PDE4B: variants seen among roughly 807,000 people sequenced by gnomAD.
PDE4B encodes phosphodiesterase 4B.
PDE4B carries 20 observed loss-of-function variants against 82.2 expected under a neutral mutation model. The ratio of observed to expected loss-of-function variants is 0.24; its 90% CI spans 0.17 to 0.35. PDE4B has a LOEUF of 0.35. Among genes scored for constraint, PDE4B ranks in the 10% least tolerant of loss-of-function variants. The pLI is 1.00. For synonymous variants in PDE4B, 320 were observed against 318.9 expected, an observed-to-expected ratio of 1.00 and a Z score of -0.04; for missense variants, 655 against 907.2, an observed-to-expected ratio of 0.72 and a Z score of 3.57.
At chr1:66,279,140 T>A (rs1322335969) in intron 7 of PDE4B, among the ~76,000 whole-genome samples, 5 of 152,144 alleles carry the variant, frequency 3.3e-5, no homozygotes, top group Admixed American at 3.3e-4. Context: ...AATACTTCCC[T>A]CTGGAAAGCC....
chr1:66,081,648 C>A (rs1656734652), intron 3 of PDE4B, among the ~76,000 whole-genome samples: 1 of 151,970 alleles, frequency 6.6e-6, no homozygotes, highest in African/African-American at 2.4e-5. Context: ...ATCAGGAACC[C>A]TGGTAGCAAT....
intron 3 of PDE4B, among the ~76,000 whole-genome samples, chr1:66,202,557 A>G (rs1286346878): frequency 6.6e-6 from 1 of 152,074 alleles, no homozygotes; most frequent in Non-Finnish European, 1.5e-5. Flanking sequence ...TATATTTAGG[A>G]TAGTTAGCTC....
chr1:66,184,746 T>C (rs576337986), intron 3 of PDE4B, among the ~76,000 whole-genome samples: 1 of 152,268 alleles, frequency 6.6e-6, no homozygotes, highest in African/African-American at 2.4e-5. Flanking sequence ...TAGTTGTGAA[T>C]GGTTGTTTTT....
chr1:66,211,953 A>T (rs1206703459), intron 3 of PDE4B, among the ~76,000 whole-genome samples: 1 of 152,222 alleles, frequency 6.6e-6, no homozygotes, highest in Non-Finnish European at 1.5e-5. Flanking sequence ...TGCATTTCAC[A>T]AACAGAGATT....
chr1:66,006,214 A>C (rs961887858), intron 3 of PDE4B, among the ~76,000 whole-genome samples: 3 of 152,128 alleles, frequency 2.0e-5, no homozygotes, highest in African/African-American at 7.2e-5. Flanking sequence ...GCTTTGCTGC[A>C]TTTGTGTATG....
intron 3 of PDE4B, among the ~76,000 whole-genome samples, chr1:66,187,397 C>A (rs1647280666): frequency 6.6e-6 from 1 of 152,102 alleles, no homozygotes; most frequent in Non-Finnish European, 1.5e-5. Flanking sequence ...GGAATAGTTT[C>A]AGAAGGAATG....
intron 7 of PDE4B, among the ~76,000 whole-genome samples, chr1:66,290,775 A>T (rs550792551): frequency 2.0e-4 from 30 of 152,238 alleles, no homozygotes; most frequent in African/African-American, 6.3e-4. Context: ...TGCCTTGGGG[A>T]CTTGGCCACA....
Position 65,913,236 on chromosome 1 carries a change from C to T in PDE4B, c.-70-9C>T. 2 of 1,218,816 alleles carry T rather than the reference C, an allele frequency of 1.6e-6. No homozygotes were observed. The highest frequency in any genetic ancestry group is 1.2e-5 in the South Asian group (1 of 80,444). The allele number at this position is 1,218,816 out of a possible 1,614,324, so 75.5% of individuals were successfully genotyped here. On this transcript the variant is annotated splice_polypyrimidine_tract_variant and intron_variant, in intron 1 of 16. Coordinates refer to ENST00000341517, the MANE Select transcript of PDE4B (RefSeq NM_002600.4). ...GCTGTTCTTTTTTGTGTGTTTTTTT[C>T]TCCTGTAGGTATTAAAAAGTGTCAG...
chr1:66,078,641 A>G (rs1276853077), intron 3 of PDE4B, among the ~76,000 whole-genome samples: 2 of 151,982 alleles, frequency 1.3e-5, no homozygotes, highest in African/African-American at 4.8e-5. Context: ...CCCTTCTCCA[A>G]CCCATTCTAG....
At chr1:66,049,579 A>C (rs1391833691) in intron 3 of PDE4B, among the ~76,000 whole-genome samples, 3 of 152,052 alleles carry the variant, frequency 2.0e-5, no homozygotes, top group African/African-American at 7.2e-5. Flanking sequence ...AAACTCATGT[A>C]ATTAACATGT....
chr1:66,264,935 A>T (rs1654928721), intron 6 of PDE4B, among the ~76,000 whole-genome samples: 1 of 152,236 alleles, frequency 6.6e-6, no homozygotes, highest in Admixed American at 6.5e-5. Context: ...CAGGGTTGGA[A>T]AAAGAAATTT....
intron 3 of PDE4B, among the ~76,000 whole-genome samples, chr1:66,045,567 A>G (rs896169890): frequency 6.6e-6 from 1 of 151,728 alleles, no homozygotes; most frequent in Admixed American, 6.6e-5. Flanking sequence ...GAAATTCATG[A>G]AGCATTGATG....
intron 1 of PDE4B, among the ~76,000 whole-genome samples, chr1:65,863,762 G>A (rs1199664513): frequency 1.3e-5 from 2 of 152,044 alleles, no homozygotes; most frequent in Non-Finnish European, 2.9e-5. Flanking sequence ...TACGTAATGC[G>A]TTTCTTTCTC....
intron 3 of PDE4B, among the ~76,000 whole-genome samples, chr1:65,926,751 G>A (rs893684821): frequency 6.6e-6 from 1 of 151,302 alleles, no homozygotes; most frequent in African/African-American, 2.4e-5. Flanking sequence ...TCTAGGTATT[G>A]TTAATTATCC....
At chr1:66,121,813 C>T (rs1645714622) in intron 3 of PDE4B, among the ~76,000 whole-genome samples, 1 of 152,192 alleles carries the variant, frequency 6.6e-6, no homozygotes, top group African/African-American at 2.4e-5. Context: ...GAATTATGCT[C>T]AACAACTTAT....
intron 3 of PDE4B, among the ~76,000 whole-genome samples, chr1:66,232,854 A>G (rs1172670464): frequency 6.6e-6 from 1 of 152,216 alleles, no homozygotes; most frequent in East Asian, 1.9e-4. Context: ...GAAGAAAATA[A>G]GTGTTAAGGA....
At chr1:65,803,457 T>C (rs1250038083) in intron 1 of PDE4B, among the ~76,000 whole-genome samples, 1 of 152,198 alleles carries the variant, frequency 6.6e-6, no homozygotes, top group African/African-American at 2.4e-5. Flanking sequence ...TGGTCTTCAA[T>C]ACAAGTTTTT....
intron 3 of PDE4B, among the ~76,000 whole-genome samples, chr1:66,104,971 T>G (rs1645313103): frequency 6.6e-6 from 1 of 151,648 alleles, no homozygotes; most frequent in South Asian, 2.1e-4. Flanking sequence ...ATTTTGGCTT[T>G]TGTTGCCATT....
intron 1 of PDE4B, among the ~76,000 whole-genome samples, chr1:65,877,304 A>T (rs1646656105): frequency 6.6e-6 from 1 of 152,174 alleles, no homozygotes; most frequent in South Asian, 2.1e-4. Flanking sequence ...CAATGAGGAA[A>T]TGATTCTCTA....
Sources: gnomAD v4.1 joint callset for allele counts (sites outside exome capture counted in the v4.1 genomes callset) on GRCh38, gnomAD v4.1.1 for gene constraint, MANE v1.5 for transcripts, NCBI Gene and HGNC (gene_info 2026-07-23, HGNC 2026-07-21) for gene names.